Variants in HSF5 observed in about 807,000 individuals in gnomAD.
HSF5 encodes the protein heat shock factor protein 5.
In HSF5, 5 loss-of-function variants were observed where a neutral mutation model predicts 50.8. That is an observed-to-expected ratio of 0.10 (90% CI 0.05 to 0.21). The LOEUF (loss-of-function observed/expected upper bound fraction) is 0.21. Ranked by LOEUF, HSF5 falls within the 10% of genes least tolerant of loss-of-function variation. HSF5 has a pLI of 1.00. For missense variants in HSF5, 564 were observed against 762.6 expected (o/e 0.74, Z 3.07); for synonymous variants, 307 against 307.4 (o/e 1.00, Z 0.02).
chr17:58,473,971 A>T (rs1214623773), intron 2 of HSF5, among the ~76,000 whole-genome samples: 1 of 152,072 alleles, frequency 6.6e-6, no homozygotes, highest in Non-Finnish European at 1.5e-5. Context: ...TCAGCCCCCA[A>T]GTAGCTGGGA....
chr17:58,466,957 A>C lies in HSF5; in HGVS notation c.948T>G (p.Pro316=). Residue 316 remains proline (P), a synonymous_variant, in exon 3 of 6, where the codon CCT becomes CCG. Transcript: ENST00000323777. ...YPTAVLQCCS[P]THMDALSSCV... ...AACTACTTAGAGCATCCATGTGGGTAGGAGAACAGCACTGTAGCACAGCTG... is the reference window on the plus strand; with the variant it reads ...AACTACTTAGAGCATCCATGTGGGTCGGAGAACAGCACTGTAGCACAGCTG... 6.2e-7 allele frequency: 1 copy of C among 1,610,766 alleles called. No individual in the cohort carries two copies. Among genetic ancestry groups the C allele is most frequent in the South Asian group, 1.1e-5 (1 of 91,024 alleles).
rs139039973 is a variant in HSF5, at chr17:58,448,428, A to C, written c.1720+10340T>G. Among the ~76,000 whole-genome samples the C allele has an allele frequency of 5.8e-3, 883 of 152,286 alleles. 5 individuals are homozygous for C. The highest frequency in any genetic ancestry group is 9.3e-3 in the African/African-American group (388 of 41,578). ...ATCCCAAATGAGACTACCTCAAAGCATGCAATAATCAAACTCTTAAAGATC... is the reference window on the plus strand; with the variant it reads ...ATCCCAAATGAGACTACCTCAAAGCCTGCAATAATCAAACTCTTAAAGATC... On this transcript the variant is annotated intron_variant, in intron 5 of 5. Transcript: ENST00000323777.
chr17:58,470,674 T>C (rs1457505497), intron 2 of HSF5, among the ~76,000 whole-genome samples: 1 of 152,186 alleles, frequency 6.6e-6, no homozygotes, highest in Non-Finnish European at 1.5e-5. Flanking sequence ...ACATCTGTAA[T>C]CCCAGCACTT....
intron 5 of HSF5, among the ~76,000 whole-genome samples, chr17:58,457,222 T>C (rs1240332465): frequency 6.7e-6 from 1 of 149,504 alleles, no homozygotes. Flanking sequence ...ATCACGCCAT[T>C]GCACTACAGC....
rs922964297 is a variant in HSF5 at position 58,421,256 on chromosome 17, A to C, written c.*1104T>G. The C allele has an allele frequency of 3.3e-5, 5 of 152,780 alleles. No individual in the cohort carries two copies. The highest frequency in any genetic ancestry group is 9.6e-5 in the African/African-American group (4 of 41,586). The allele number at this position is 152,780 out of a possible 1,614,324, so 9.5% of individuals were successfully genotyped here. A position where few individuals can be genotyped will look rare whatever the true frequency, so the allele number is the denominator to read the frequency against. ...AGAAAAAAATGTTACCATCTATCCC[A>C]TTATCCAAAATTCTCTCAGAAGCTT... On this transcript the variant is annotated 3_prime_UTR_variant, in exon 6 of 6. Transcript: ENST00000323777.
chr17:58,442,405 C>T (rs1329844246), intron 5 of HSF5, among the ~76,000 whole-genome samples: 2 of 152,092 alleles, frequency 1.3e-5, no homozygotes, highest in Non-Finnish European at 2.9e-5. Context: ...AGTGGCCATC[C>T]TTGCCTTGTT....
intron 1 of HSF5, among the ~76,000 whole-genome samples, chr17:58,485,099 C>A (rs1975151179): frequency 6.6e-6 from 1 of 151,772 alleles, no homozygotes; most frequent in Non-Finnish European, 1.5e-5. Flanking sequence ...GGACTACAGG[C>A]ACCCGCCACC....
At chr17:58,477,434 T>C (rs1483635832) in intron 2 of HSF5, among the ~76,000 whole-genome samples, 1 of 149,518 alleles carries the variant, frequency 6.7e-6, no homozygotes, top group African/African-American at 2.5e-5. Flanking sequence ...TTTATAATTT[T>C]TAAATGGCAA....
At chr17:58,482,685 G>A (rs1278489334) in intron 1 of HSF5, among the ~76,000 whole-genome samples, 3 of 124,788 alleles carry the variant, frequency 2.4e-5, no homozygotes, top group African/African-American at 6.2e-5. Flanking sequence ...ACTCCAGCCC[G>A]GGCAACACAG....
chr17:58,431,546 C>G (rs951662495), intron 5 of HSF5, among the ~76,000 whole-genome samples: 1 of 152,004 alleles, frequency 6.6e-6, no homozygotes, highest in Non-Finnish European at 1.5e-5. Flanking sequence ...GTCATTATGC[C>G]GTGCATGACC....
intron 5 of HSF5, among the ~76,000 whole-genome samples, chr17:58,450,018 G>A (rs1476747705): frequency 1.2e-4 from 11 of 94,094 alleles, no homozygotes; most frequent in South Asian, 3.4e-4. Flanking sequence ...GCGAGACTCC[G>A]TCTCAAAAAA....
rs141893752 is a variant in HSF5 at position 58,421,118 on chromosome 17, G to A, written c.*1242C>T. On this transcript the variant is annotated 3_prime_UTR_variant, in exon 6 of 6. Coordinates refer to ENST00000323777, the MANE Select transcript of HSF5 (RefSeq NM_001080439.3). Reference sequence around the variant, plus strand: ...AATCAGAAAGTTTCTTGCTGTCACTGGATAAGCAAGTAAGGGATTAACCAC... The same window carrying A: ...AATCAGAAAGTTTCTTGCTGTCACTAGATAAGCAAGTAAGGGATTAACCAC... 12 of 152,662 alleles carry A rather than the reference G, an allele frequency of 7.9e-5. No individual in the cohort carries two copies. The highest frequency in any genetic ancestry group is 1.6e-4 in the Non-Finnish European group (11 of 68,012). 9.5% of individuals were successfully genotyped at this position (152,662 alleles called of 1,614,324 possible). A position where few individuals can be genotyped will look rare whatever the true frequency, so the allele number is the denominator to read the frequency against.
rs1467754484 is a variant in HSF5 at position 58,488,335 on chromosome 17, C to T, written c.-61G>A. On this transcript the variant is annotated 5_prime_UTR_variant, in exon 1 of 6. Transcript: ENST00000323777. The surrounding 1 kb of genome is among the most constrained non-coding windows in gnomAD (Gnocchi z 4.1). ...AGCTCTCCCACACCGTTCTCGATCC[C>T]TCCCCGGCCTTCGCCTCGCCCTGCC... 1.5e-6 allele frequency: 2 copies of T among 1,376,866 alleles called. No individual in the cohort carries two copies. Among genetic ancestry groups the T allele is most frequent in the Non-Finnish European group, 1.9e-6 (2 of 1,073,534 alleles). 85.3% of individuals were successfully genotyped at this position (1,376,866 alleles called of 1,614,324 possible). A position where few individuals can be genotyped will look rare whatever the true frequency, so the allele number is the denominator to read the frequency against.
At chr17:58,447,410 T>G (rs1189399097) in intron 5 of HSF5, among the ~76,000 whole-genome samples, 1 of 152,226 alleles carries the variant, frequency 6.6e-6, no homozygotes, top group East Asian at 1.9e-4. Context: ...AGGCAAGACC[T>G]GGTACTGTGC....
Position 58,462,705 on chromosome 17 carries a change from C to A in HSF5, c.1542+77G>T, listed in dbSNP as rs539628335. 1.1e-5 allele frequency: 15 copies of A among 1,364,340 alleles called. 1 individual carries two copies. The South Asian group carries it at 2.1e-4, about 19-fold the overall frequency. The allele number at this position is 1,364,340 out of a possible 1,614,324, so 84.5% of individuals were successfully genotyped here. A position where few individuals can be genotyped will look rare whatever the true frequency, so the allele number is the denominator to read the frequency against. On this transcript the variant is annotated intron_variant, in intron 4 of 5. Transcript: ENST00000323777. ...TAAACCCAAATAAAATCTGAACAAA[C>A]TCTCCACTAGAATAGTCTTTAGCAG...
At chr17:58,455,713 A>G (rs532050804) in intron 5 of HSF5, among the ~76,000 whole-genome samples, 2 of 152,252 alleles carry the variant, frequency 1.3e-5, no homozygotes, top group South Asian at 4.1e-4. Flanking sequence ...AGATACACAA[A>G]TGACCAACAG....
At chr17:58,483,740 G>C (rs1039267786) in intron 1 of HSF5, among the ~76,000 whole-genome samples, 1 of 152,086 alleles carries the variant, frequency 6.6e-6, no homozygotes, top group Admixed American at 6.6e-5. Flanking sequence ...TAACAAAAGC[G>C]CACAAAGGAA....
At chr17:58,476,300 A>G in intron 2 of HSF5, 1 of 1,044,226 alleles carries the variant, frequency 9.6e-7, no homozygotes, top group East Asian at 2.4e-5. Context: ...TGGTACTGTA[A>G]TGGGTTTGGC....
At chr17:58,434,300 G>A (rs140237241) in intron 5 of HSF5, among the ~76,000 whole-genome samples, 1 of 152,030 alleles carries the variant, frequency 6.6e-6, no homozygotes, top group African/African-American at 2.4e-5. Flanking sequence ...ATGTTAGGCC[G>A]GGCGTAGTGG....
Sources: gnomAD v4.1 joint callset for allele counts (sites outside exome capture counted in the v4.1 genomes callset) on GRCh38, gnomAD v4.1.1 for gene constraint, Gnocchi (gnomAD v3.1) non-coding constraint, MANE v1.5 for transcripts, NCBI Gene and HGNC (gene_info 2026-07-23, HGNC 2026-07-21) for gene names.